DOCK4: variants seen among roughly 807,000 people sequenced by gnomAD.
The protein encoded by DOCK4 is dedicator of cytokinesis protein 4.
DOCK4 carries 97 observed loss-of-function variants against 268.1 expected under a neutral mutation model. The ratio of observed to expected loss-of-function variants is 0.36; its 90% CI spans 0.31 to 0.43. The LOEUF is 0.43. DOCK4 is among the 20% of genes least tolerant of loss of function. DOCK4 has a pLI of 1.00. For missense variants in DOCK4, 2,145 were observed against 2,455.7 expected (o/e 0.87, Z 2.67); for synonymous variants, 954 against 887.2 (o/e 1.08, Z -1.34).
At chr7:111,735,445 A>G (rs1795410751) in intron 50 of DOCK4, among the ~76,000 whole-genome samples, 1 of 152,180 alleles carries the variant, frequency 6.6e-6, no homozygotes, top group Admixed American at 6.6e-5. Context: ...GAGAATTACA[A>G]ATGTGTTTAG....
chr7:112,009,036 T>C lies in DOCK4; in HGVS notation c.38-4905A>G, dbSNP rs911536091. Among the ~76,000 whole-genome samples, 5 of 152,164 alleles carry C rather than the reference T, an allele frequency of 3.3e-5. No homozygotes were observed. In the South Asian group the frequency reaches 1.0e-3, roughly 32 times the overall value. On this transcript the variant is annotated intron_variant, in intron 1 of 52. Coordinates refer to ENST00000428084, the MANE Select transcript of DOCK4 (RefSeq NM_001363540.2). Reference sequence around the variant, plus strand: ...AAAGAATTATTATAAGTCAATCACATAGCTGTAAGCCACAGACAATAACAT... The same window carrying C: ...AAAGAATTATTATAAGTCAATCACACAGCTGTAAGCCACAGACAATAACAT...
At chr7:111,808,718 G>T in intron 30 of DOCK4, 103 bp downstream of exon 30, 1 of 1,126,346 alleles carries the variant, frequency 8.9e-7, no homozygotes, top group Non-Finnish European at 1.3e-6. Context: ...TTAGACATTT[G>T]GTTTCACATG....
At chr7:111,960,838 T>A (rs764955183) in intron 8 of DOCK4, among the ~76,000 whole-genome samples, 1 of 152,214 alleles carries the variant, frequency 6.6e-6, no homozygotes, top group Non-Finnish European at 1.5e-5. Flanking sequence ...GGTACATCCA[T>A]GTTGTCCAAA....
intron 8 of DOCK4, among the ~76,000 whole-genome samples, chr7:111,954,370 C>A (rs980020263): frequency 1.3e-5 from 2 of 152,226 alleles, no homozygotes; most frequent in Middle Eastern, 3.4e-3. Context: ...GACTACGGGG[C>A]TTTGGTGCTT....
At chr7:112,196,924 G>A (rs1372228685) in intron 1 of DOCK4, among the ~76,000 whole-genome samples, 2 of 151,876 alleles carry the variant, frequency 1.3e-5, no homozygotes, top group Admixed American at 6.6e-5. Flanking sequence ...TTCCTGTAGT[G>A]AGAATACTTA....
At chr7:111,778,171 A>C in intron 36 of DOCK4, 105 bp downstream of exon 36, 2 of 704,822 alleles carry the variant, frequency 2.8e-6, no homozygotes, top group Non-Finnish European at 4.7e-6. Context: ...TTTAATTTTA[A>C]AGTAGAAATG....
Position 111,877,162 on chromosome 7 carries a change from C to A in DOCK4, c.1612G>T (p.Asp538Tyr). Residue 538 changes from aspartate (D) to tyrosine (Y), a missense_variant, in exon 17 of 53, where the codon GAT (aspartate) becomes TAT (tyrosine). Physicochemically the swap from Asp to Tyr is radical, Grantham distance 160. This residue lies in a region of DOCK4 where 1,598 missense variants were observed against 1,986.7 expected (regional missense o/e 0.80). Transcript: ENST00000428084. ...GGAAGTTTGAGGTAGCGGGTAGTAT[C>A]CTGAAGATTTGTGTTTTCTTCACAC... is the stretch of plus-strand genomic sequence containing the variant. ...HKCEENTNLQ[D>Y]TTRYLKLPFS... 1 of 1,538,394 alleles carries A rather than the reference C, an allele frequency of 6.5e-7. No individual in the cohort carries two copies. Among genetic ancestry groups the A allele is most frequent in the Middle Eastern group, 1.7e-4 (1 of 5,782 alleles).
At position 111,900,530 on chromosome 7, in the gene DOCK4, T is replaced by C; in HGVS notation, c.1324A>G (p.Ile442Val). 1.2e-6 allele frequency: 2 copies of C among 1,609,970 alleles called. No homozygotes were observed. The highest frequency in any genetic ancestry group is 1.7e-6 in the Non-Finnish European group (2 of 1,178,252). ...GGTGGCTCCCCAGAGCCGAAGGAGA[T>C]AAAATCCTAACAAAGGGAAGAACAC... is the stretch of plus-strand genomic sequence containing the variant. The part of the protein sequence containing the change: ...DSSGQTLKDF[I>V]SFGSGEPPAS... Residue 442 changes from isoleucine to valine, a missense_variant, in exon 15 of 53, where the codon ATC becomes GTC. Ile to Val is a conservative substitution (Grantham distance 29). Coordinates refer to ENST00000428084, the MANE Select transcript of DOCK4 (RefSeq NM_001363540.2).
At chr7:111,953,418 A>G (rs1796213092) in intron 8 of DOCK4, among the ~76,000 whole-genome samples, 1 of 152,146 alleles carries the variant, frequency 6.6e-6, no homozygotes, top group South Asian at 2.1e-4. Context: ...ATACAAACGT[A>G]AGGTGATCTG....
chr7:111,822,521 T>C (rs1802072763), intron 26 of DOCK4, 65 bp from the exon 27 acceptor site: 3 of 1,319,204 alleles, frequency 2.3e-6, no homozygotes, highest in Non-Finnish European at 3.2e-6. Context: ...CATACGCACA[T>C]ACACAGGCAG....
rs148736954 is a variant in DOCK4, at chr7:111,982,002, T to C, written c.549+2304A>G. Among the ~76,000 whole-genome samples the C allele has an allele frequency of 3.0e-4, 46 of 152,364 alleles. 1 individual carries two copies. The highest frequency in any genetic ancestry group is 6.8e-3 in the Middle Eastern group (2 of 294). The stretch of plus-strand genomic sequence containing the variant: ...TAAAATATATTTGTGTCACATCAGT[T>C]ATTTATCTGATACCTGACATACTCA... On this transcript the variant is annotated intron_variant, in intron 7 of 52. Transcript: ENST00000428084.
intron 1 of DOCK4, among the ~76,000 whole-genome samples, chr7:112,192,076 T>C (rs1306002234): frequency 1.4e-5 from 2 of 148,084 alleles, no homozygotes; most frequent in Non-Finnish European, 3.0e-5. Context: ...TGTGTGTGTA[T>C]ATATATAGTG....
intron 13 of DOCK4, among the ~76,000 whole-genome samples, chr7:111,910,406 G>C (rs1006449168): frequency 1.3e-5 from 2 of 152,198 alleles, no homozygotes; most frequent in Non-Finnish European, 1.5e-5. Context: ...TGTGGCAATG[G>C]AGCCCTTAAA....
chr7:112,162,964 G>C (rs1262763673), intron 1 of DOCK4, among the ~76,000 whole-genome samples: 1 of 152,158 alleles, frequency 6.6e-6, no homozygotes, highest in East Asian at 1.9e-4. Flanking sequence ...TATACTGTAT[G>C]CAACGTAACA....
chr7:111,905,520 T>G (rs776626982), intron 13 of DOCK4, among the ~76,000 whole-genome samples: 1 of 152,194 alleles, frequency 6.6e-6, no homozygotes, highest in Non-Finnish European at 1.5e-5. Context: ...CATTAACAGC[T>G]TGACCTAGAT....
At chr7:112,145,482 C>A (rs56117215) in intron 1 of DOCK4, among the ~76,000 whole-genome samples, 2,073 of 152,248 alleles carry the variant, frequency 0.014, 43 homozygotes, top group African/African-American at 0.046. Context: ...CGCAGTAATG[C>A]AATATTATAT....
chr7:112,044,840 A>G (rs1322679081), intron 1 of DOCK4, among the ~76,000 whole-genome samples: 1 of 151,958 alleles, frequency 6.6e-6, no homozygotes, highest in Non-Finnish European at 1.5e-5. Context: ...CACAACTACA[A>G]TTATCCTGGC....
At chr7:111,763,377 CAG>C (rs1797574197) in intron 39 of DOCK4, among the ~76,000 whole-genome samples, 1 of 152,144 alleles carries the variant, frequency 6.6e-6, no homozygotes, top group Non-Finnish European at 1.5e-5. Flanking sequence ...TAGAAACCAA[CAG>C]AGGGGGACCC....
At chr7:111,774,778 T>C (rs184976073) in intron 36 of DOCK4, among the ~76,000 whole-genome samples, 2 of 152,338 alleles carry the variant, frequency 1.3e-5, no homozygotes, top group Admixed American at 1.3e-4. Context: ...AACAGAGTGA[T>C]ATCTAGGGAA....
Sources: gnomAD v4.1 joint callset for allele counts (sites outside exome capture counted in the v4.1 genomes callset) on GRCh38, gnomAD v4.1.1 for gene constraint, gnomAD v4.1.1 regional missense constraint, MANE v1.5 for transcripts, NCBI Gene and HGNC (gene_info 2026-07-23, HGNC 2026-07-21) for gene names.